Variants in TLE4 observed in about 807,000 individuals in gnomAD.
TLE4 encodes the protein transducin-like enhancer protein 4.
TLE4 carries 8 observed loss-of-function variants against 92.8 expected under a neutral mutation model. That is an observed-to-expected ratio of 0.09 (90% CI 0.05 to 0.16). The LOEUF is 0.16. TLE4 is among the 10% of genes least tolerant of loss of function. TLE4 has a pLI of 1.00. For missense variants in TLE4, 675 were observed against 997.6 expected (o/e 0.68, Z 4.36); for synonymous variants, 371 against 374.1 (o/e 0.99, Z 0.10).
At chr9:79,688,421 A>T (rs79163730) in intron 8 of TLE4, among the ~76,000 whole-genome samples, 1 of 152,078 alleles carries the variant, frequency 6.6e-6, no homozygotes, top group Admixed American at 6.6e-5. Flanking sequence ...GTTCTTGGGC[A>T]CTTAATTATA....
intron 4 of TLE4, among the ~76,000 whole-genome samples, chr9:79,605,072 C>T (rs1051094764): frequency 6.6e-6 from 1 of 151,986 alleles, no homozygotes; most frequent in African/African-American, 2.4e-5. Flanking sequence ...GTAAAGCAGG[C>T]AGCTGGCAAG....
intron 8 of TLE4, among the ~76,000 whole-genome samples, chr9:79,668,430 C>T (rs924836560): frequency 1.3e-5 from 2 of 152,144 alleles, no homozygotes; most frequent in Non-Finnish European, 1.5e-5. Context: ...AAGGTGTATT[C>T]GGTGTGTGTG....
intron 4 of TLE4, among the ~76,000 whole-genome samples, chr9:79,579,452 A>G (rs1024183893): frequency 5.3e-5 from 8 of 152,188 alleles, no homozygotes; most frequent in African/African-American, 1.9e-4. Context: ...ACCTATAGGA[A>G]CTATATGGAG....
At chr9:79,661,974 A>G (rs1011693038) in intron 8 of TLE4, among the ~76,000 whole-genome samples, 3 of 152,192 alleles carry the variant, frequency 2.0e-5, no homozygotes, top group Non-Finnish European at 4.4e-5. Context: ...TAGAAACTGG[A>G]GAACAACACA....
intron 14 of TLE4, among the ~76,000 whole-genome samples, chr9:79,709,956 C>G (rs2072810748): frequency 6.6e-6 from 1 of 152,226 alleles, no homozygotes; most frequent in South Asian, 2.1e-4. Flanking sequence ...TTCTCTACAT[C>G]TGTTGCAGAT....
intron 6 of TLE4, among the ~76,000 whole-genome samples, chr9:79,630,601 C>T (rs559009853): frequency 7.2e-4 from 109 of 152,240 alleles, no homozygotes; most frequent in Non-Finnish European, 6.8e-4. Flanking sequence ...TCCTGCTAGC[C>T]ACTGTGTTTT....
intron 4 of TLE4, among the ~76,000 whole-genome samples, chr9:79,603,667 G>C (rs1312088994): frequency 6.6e-6 from 1 of 152,012 alleles, no homozygotes; most frequent in African/African-American, 2.4e-5. Flanking sequence ...TTATTGTTGT[G>C]GTCTGGAACT....
intron 2 of TLE4, among the ~76,000 whole-genome samples, chr9:79,574,432 T>A (rs2037045753): frequency 6.6e-6 from 1 of 152,198 alleles, no homozygotes; most frequent in Admixed American, 6.5e-5. Flanking sequence ...AAACAAGATA[T>A]CATTCATAAG....
intron 8 of TLE4, among the ~76,000 whole-genome samples, chr9:79,673,886 C>G (rs2062822206): frequency 6.6e-6 from 1 of 152,098 alleles, no homozygotes; most frequent in Admixed American, 6.6e-5. Flanking sequence ...TCAGTTGATT[C>G]CAGTCACGCC....
In TLE4 at chr9:79,637,741, G is replaced by A. The variant is rs574241439; in HGVS notation, c.390+10293G>A. The stretch of plus-strand genomic sequence containing the variant: ...AAGTTGTTATAAACACAGCTGTTAA[G>A]GCAGGTGTTTTAACCCAGTGTCCTT... On this transcript the variant is annotated intron_variant, in intron 6 of 19. Coordinates refer to ENST00000376552, the MANE Select transcript of TLE4 (RefSeq NM_007005.6). Among the ~76,000 whole-genome samples the A allele has an allele frequency of 3.9e-5, 6 of 152,256 alleles. No individual in the cohort carries two copies. In the South Asian group the frequency reaches 1.2e-3, roughly 32 times the overall value.
At chr9:79,600,524 C>T (rs2045356089) in intron 4 of TLE4, among the ~76,000 whole-genome samples, 1 of 152,120 alleles carries the variant, frequency 6.6e-6, no homozygotes. Context: ...GTAAAAACTT[C>T]CTAATAATTA....
intron 14 of TLE4, among the ~76,000 whole-genome samples, chr9:79,710,689 T>C (rs966867682): frequency 1.3e-5 from 2 of 152,220 alleles, no homozygotes; most frequent in Non-Finnish European, 2.9e-5. Context: ...TTATCTAAGA[T>C]GTCATTATGT....
chr9:79,608,371 T>G (rs372141579), intron 4 of TLE4, among the ~76,000 whole-genome samples: 1 of 152,082 alleles, frequency 6.6e-6, no homozygotes, highest in East Asian at 1.9e-4. Context: ...ATTTTCTGAT[T>G]GAAATTTTAA....
intron 8 of TLE4, among the ~76,000 whole-genome samples, chr9:79,702,894 A>T (rs1235048175): frequency 2.0e-5 from 3 of 152,198 alleles, no homozygotes; most frequent in Non-Finnish European, 4.4e-5. Flanking sequence ...GAAGTTCAGA[A>T]ATGCCACAAA....
chr9:79,647,462 T>C (rs1054167021), intron 6 of TLE4, among the ~76,000 whole-genome samples: 3 of 152,178 alleles, frequency 2.0e-5, no homozygotes, highest in Admixed American at 1.3e-4. Flanking sequence ...GTTCTGTATG[T>C]TCGATCACTA....
At chr9:79,654,195 C>G (rs1265985691) in intron 8 of TLE4, 120 bp downstream of exon 8, 5 of 976,674 alleles carry the variant, frequency 5.1e-6, no homozygotes, top group Non-Finnish European at 7.6e-6. Flanking sequence ...TAGTGGTTAA[C>G]TGCATTTTTA....
At chr9:79,666,353 A>C (rs1377338856) in intron 8 of TLE4, among the ~76,000 whole-genome samples, 1 of 149,706 alleles carries the variant, frequency 6.7e-6, no homozygotes, top group African/African-American at 2.5e-5. Flanking sequence ...TCAGCCTCCC[A>C]AGTAACTGGG....
At chr9:79,573,352 G>C in intron 1 of TLE4, 2 of 1,111,140 alleles carry the variant, frequency 1.8e-6, no homozygotes, top group Non-Finnish European at 2.2e-6. Context: ...TCCCCCCGAC[G>C]GGCCAGTTTC....
chr9:79,708,909 G>T, intron 13 of TLE4, 123 bp downstream of exon 13: 1 of 1,185,302 alleles, frequency 8.4e-7, no homozygotes, highest in Admixed American at 2.7e-5. Flanking sequence ...TTGGCTCACT[G>T]CAGCCTCTGC....
Sources: gnomAD v4.1 joint callset for allele counts (sites outside exome capture counted in the v4.1 genomes callset) on GRCh38, gnomAD v4.1.1 for gene constraint, MANE v1.5 for transcripts, NCBI Gene and HGNC (gene_info 2026-07-23, HGNC 2026-07-21) for gene names.